The following C1GALT1 variants were observed in gnomAD, a reference collection of about 807,000 sequenced individuals.
C1GALT1 encodes glycoprotein-N-acetylgalactosamine 3-beta-galactosyltransferase 1.
Under a neutral mutation model 31.0 loss-of-function variants are expected in C1GALT1, and 11 were observed. The observed-to-expected ratio is 0.36, with a 90% CI of 0.22 to 0.59. The LOEUF (loss-of-function observed/expected upper bound fraction) is 0.59, where lower values mean the gene tolerates loss of function less well. C1GALT1 is among the 20% of genes least tolerant of loss of function. The probability of loss-of-function intolerance (pLI) is 0.79; values close to 1 mark genes in which losing one functional copy is unlikely to be tolerated. For missense variants in C1GALT1, 424 were observed against 425.2 expected, an observed-to-expected ratio of 1.00 and a Z score of 0.03; for synonymous variants, 175 against 143.6, an observed-to-expected ratio of 1.22 and a Z score of -1.56.
At position 7,175,832 on chromosome 7, in the gene C1GALT1, A is replaced by C. The variant is rs536461786; in HGVS notation, c.-18+18406A>C. The stretch of plus-strand genomic sequence containing the variant: ...CTTTTTTTTTTCTGGTTTATAGATG[A>C]TAGGCTTCTCTCTGTGTCCTTACAT... On this transcript the variant is annotated intron_variant, in intron 2 of 3. Coordinates refer to the C1GALT1 transcript ENST00000429911. Among the ~76,000 whole-genome samples, 335 of 151,818 alleles carry C rather than the reference A, an allele frequency of 2.2e-3. 2 individuals carry two copies. Among genetic ancestry groups the C allele is most frequent in the Non-Finnish European group, 3.9e-3 (268 of 67,930 alleles).
intron 2 of C1GALT1, among the ~76,000 whole-genome samples, chr7:7,163,714 C>T (rs1286718996): frequency 6.6e-6 from 1 of 152,116 alleles, no homozygotes; most frequent in Non-Finnish European, 1.5e-5. Flanking sequence ...CTCTCATTCA[C>T]AATTGCTTCA....
At chr7:7,185,427 C>A (rs1420228518) in intron 1 of C1GALT1, among the ~76,000 whole-genome samples, 1 of 152,156 alleles carries the variant, frequency 6.6e-6, no homozygotes. Flanking sequence ...TTTAAAACAA[C>A]AGATTTATTG....
chr7:7,219,520 C>T (rs566635124), intron 1 of C1GALT1, among the ~76,000 whole-genome samples: 1 of 152,038 alleles, frequency 6.6e-6, no homozygotes, highest in Non-Finnish European at 1.5e-5. Flanking sequence ...AAAAATAAAG[C>T]CTTAAAAATT....
At position 7,169,058 on chromosome 7, in the gene C1GALT1, GTC is replaced by G. The variant is rs367646071; in HGVS notation, c.-18+11636_-18+11637del. On this transcript the variant is annotated intron_variant, in intron 2 of 3. Coordinates refer to the C1GALT1 transcript ENST00000429911. The stretch of plus-strand genomic sequence containing the variant: ...CCCCTCCACCTTTAACCTATTTTCT[GTC>G]TCTATAAATTTGCCTCTTCTAGATA... Among the ~76,000 whole-genome samples, 138 of 152,090 alleles carry G rather than the reference GTC, an allele frequency of 9.1e-4. 1 individual carries two copies. In the Middle Eastern group the frequency reaches 0.024, roughly 26 times the overall value.
intron 2 of C1GALT1, among the ~76,000 whole-genome samples, chr7:7,161,649 C>A (rs74580735): frequency 0.024 from 3,616 of 151,990 alleles, 132 homozygotes; most frequent in African/African-American, 0.082. Flanking sequence ...AAGTTGAGGA[C>A]CATGAGGCTC....
At chr7:7,210,114 G>A (rs1319561095) in intron 1 of C1GALT1, among the ~76,000 whole-genome samples, 2 of 152,144 alleles carry the variant, frequency 1.3e-5, no homozygotes, top group Non-Finnish European at 2.9e-5. Context: ...AGGTCACAGG[G>A]GATATGATGG....
intron 1 of C1GALT1, among the ~76,000 whole-genome samples, chr7:7,204,271 C>T (rs1490855921): frequency 1.3e-5 from 2 of 151,866 alleles, no homozygotes; most frequent in African/African-American, 2.4e-5. Flanking sequence ...ATAGGATTTT[C>T]AGATTTTCTG....
chr7:7,205,665 C>T (rs1781709869), intron 1 of C1GALT1, among the ~76,000 whole-genome samples: 1 of 152,044 alleles, frequency 6.6e-6, no homozygotes, highest in Non-Finnish European at 1.5e-5. Flanking sequence ...ATATAATGTC[C>T]TTCTTGTCTT....
At chr7:7,221,542 G>C (rs1782512101) in intron 1 of C1GALT1, among the ~76,000 whole-genome samples, 1 of 152,122 alleles carries the variant, frequency 6.6e-6, no homozygotes, top group Admixed American at 6.5e-5. Flanking sequence ...AACTGGTGTT[G>C]GTAATTTAGA....
chr7:7,201,102 T>G (rs997379400), intron 1 of C1GALT1, among the ~76,000 whole-genome samples: 9 of 152,232 alleles, frequency 5.9e-5, no homozygotes, highest in Non-Finnish European at 1.3e-4. Context: ...TTTTTCAGCT[T>G]TTCTGCTCTG....
intron 1 of C1GALT1, among the ~76,000 whole-genome samples, chr7:7,189,752 C>A (rs1409243460): frequency 6.6e-6 from 1 of 152,058 alleles, no homozygotes. Flanking sequence ...TGGGAGAGAT[C>A]TCAATTCGTA....
upstream of C1GALT1, among the ~76,000 whole-genome samples, chr7:7,178,497 A>T (rs192380816): frequency 4.6e-4 from 68 of 146,774 alleles, 1 homozygote; most frequent in East Asian, 0.012. Context: ...TTAAAAAATT[A>T]AAAAAAATTG....
intron 2 of C1GALT1, among the ~76,000 whole-genome samples, chr7:7,162,929 T>C (rs963168250): frequency 2.6e-4 from 39 of 152,232 alleles, no homozygotes; most frequent in Admixed American, 7.2e-4. Flanking sequence ...GAGAAGTGTC[T>C]GTTCATGTCC....
intron 1 of C1GALT1, among the ~76,000 whole-genome samples, chr7:7,196,049 T>TGTA (rs1193957254): frequency 6.6e-6 from 1 of 152,066 alleles, no homozygotes; most frequent in African/African-American, 2.4e-5. Context: ...TTGTTGTTGT[T>TGTA]GTTTTTGTAA....
At position 7,238,989 on chromosome 7, in the gene C1GALT1, T is replaced by TTA; in HGVS notation, c.888+68_888+69dup. 1 of 1,265,250 alleles carries TTA rather than the reference T, an allele frequency of 7.9e-7. No homozygotes were observed. The highest frequency in any genetic ancestry group is 1.1e-6 in the Non-Finnish European group (1 of 907,992). 78.4% of individuals were successfully genotyped at this position (1,265,250 alleles called of 1,614,324 possible). On this transcript the variant is annotated intron_variant, in intron 3 of 3. Coordinates refer to ENST00000436587, the MANE Select transcript of C1GALT1 (RefSeq NM_020156.5). The surrounding 1 kb of genome is among the most constrained non-coding windows in gnomAD (Gnocchi z 5.2). ...ACTGAATTTTGTTGATAAAAACATG[T>TTA]TAATATGTGTATGTTTCTTTAGTAC...
At chr7:7,224,367 T>C (rs1782655729) in intron 1 of C1GALT1, among the ~76,000 whole-genome samples, 1 of 151,730 alleles carries the variant, frequency 6.6e-6, no homozygotes, top group Non-Finnish European at 1.5e-5. Flanking sequence ...TTGGAGGAGA[T>C]TGTACAAATT....
chr7:7,169,744 T>C (rs1279438808), intron 2 of C1GALT1, among the ~76,000 whole-genome samples: 2 of 152,202 alleles, frequency 1.3e-5, no homozygotes. Context: ...TTAAGTATGT[T>C]GTTGGATTCA....
chr7:7,242,173 A>T (rs558054340), intron 3 of C1GALT1, among the ~76,000 whole-genome samples: 1 of 150,724 alleles, frequency 6.6e-6, no homozygotes, highest in South Asian at 2.1e-4. Context: ...TTAAAACAGT[A>T]TGATGAACTT....
At chr7:7,194,473 A>T (rs111851161) in intron 1 of C1GALT1, among the ~76,000 whole-genome samples, 5,013 of 152,072 alleles carry the variant, frequency 0.033, 188 homozygotes, top group African/African-American at 0.092. Flanking sequence ...GTACATCACA[A>T]TTATTGACTT....
Sources: gnomAD v4.1 joint callset for allele counts (sites outside exome capture counted in the v4.1 genomes callset) on GRCh38, gnomAD v4.1.1 for gene constraint, Gnocchi (gnomAD v3.1) non-coding constraint, MANE v1.5 for transcripts, NCBI Gene and HGNC (gene_info 2026-07-23, HGNC 2026-07-21) for gene names.